The following AGL variants were observed in gnomAD, a reference collection of about 807,000 sequenced individuals.
AGL encodes the protein amylo-alpha-1,6-glucosidase and 4-alpha-glucanotransferase, also known as glycogen debranching enzyme.
AGL carries 128 observed loss-of-function variants against 199.3 expected under a neutral mutation model. That is an observed-to-expected ratio of 0.64 (90% confidence interval 0.56 to 0.74). The LOEUF (loss-of-function observed/expected upper bound fraction) is 0.74, where lower values mean the gene tolerates loss of function less well. Ranked by LOEUF, AGL falls within the 30% of genes least tolerant of loss-of-function variation. The pLI, the probability that AGL is intolerant of heterozygous loss-of-function variation, is 0.00. For synonymous variants in AGL, 584 were observed against 594.7 expected, an observed-to-expected ratio of 0.98 and a Z score of 0.26; for missense variants, 1,809 against 1,820.8, an observed-to-expected ratio of 0.99 and a Z score of 0.12.
In AGL at chr1:99,916,429, A is replaced by G; in HGVS notation, c.4279A>G (p.Ile1427Val). The G allele has an allele frequency of 6.2e-7, 1 of 1,611,544 alleles. No individual in the cohort carries two copies. Among genetic ancestry groups the G allele is most frequent in the Non-Finnish European group, 8.5e-7 (1 of 1,178,332 alleles). Reference sequence around the variant, plus strand: ...TTGCAGTGATATGGTTTACTGTGGAATTTATGACAATGCATTAGACAATGA... The same window carrying G: ...TTGCAGTGATATGGTTTACTGTGGAGTTTATGACAATGCATTAGACAATGA... ...LDPDDMVYCG[I>V]YDNALDNDNY... The change falls in exon 32 of 34, where the codon ATT (isoleucine) becomes GTT (valine). Residue 1427 changes from isoleucine (I) to valine (V), a missense_variant. By Grantham distance (29) the Ile-to-Val change is conservative (BLOSUM62 3). Coordinates refer to ENST00000361915, the MANE Select transcript of AGL (RefSeq NM_000642.3).
At chr1:99,900,966 C>A (rs1038286199) in intron 26 of AGL, 105 bp downstream of exon 26, 2 of 1,069,704 alleles carry the variant, frequency 1.9e-6, no homozygotes, top group Non-Finnish European at 2.7e-6. Context: ...CCAAATCTTA[C>A]GAATTATTCA....
chr1:99,876,639 T>C, intron 11 of AGL, 42 bp downstream of exon 11: 1 of 1,609,204 alleles, frequency 6.2e-7, no homozygotes, highest in Non-Finnish European at 8.5e-7. Flanking sequence ...GAAAGAATAG[T>C]TCATGGCAAG....
intron 7 of AGL, among the ~76,000 whole-genome samples, chr1:99,872,195 A>G (rs1027515879): frequency 1.3e-5 from 2 of 152,114 alleles, no homozygotes; most frequent in African/African-American, 4.8e-5. Flanking sequence ...CATTCATTCA[A>G]TGCATATTCA....
At chr1:99,858,219 A>G (rs1649735912) in intron 2 of AGL, among the ~76,000 whole-genome samples, 1 of 152,252 alleles carries the variant, frequency 6.6e-6, no homozygotes, top group Non-Finnish European at 1.5e-5. Flanking sequence ...TTAAAAGATG[A>G]GTTAGAAAGT....
intron 30 of AGL, 64 bp from the exon 31 acceptor site, chr1:99,915,325 G>GT (rs1655032344): frequency 7.6e-7 from 1 of 1,316,662 alleles, no homozygotes; most frequent in African/African-American, 1.5e-5. Flanking sequence ...AATAGTTTCT[G>GT]TGGGTAGGAA....
chr1:99,887,724 TC>T (rs1173957714), intron 20 of AGL, among the ~76,000 whole-genome samples: 4 of 152,168 alleles, frequency 2.6e-5, no homozygotes, highest in Admixed American at 1.3e-4. Context: ...CCAGCATACT[TC>T]TAATCAATAC....
intron 24 of AGL, among the ~76,000 whole-genome samples, chr1:99,894,727 TTTATC>T (rs1442643478): frequency 1.3e-5 from 2 of 152,192 alleles, no homozygotes; most frequent in Non-Finnish European, 2.9e-5. Flanking sequence ...AAAACTTTCT[TTTATC>T]TTAGTCAAAT....
intron 27 of AGL, among the ~76,000 whole-genome samples, chr1:99,905,055 A>G (rs1013754301): frequency 2.0e-5 from 3 of 152,160 alleles, no homozygotes; most frequent in Middle Eastern, 6.3e-3. Flanking sequence ...CTGCCAAACT[A>G]TTTTCCAGAG....
At chr1:99,867,294 T>A (rs762642770) in intron 5 of AGL, among the ~76,000 whole-genome samples, 51 of 152,202 alleles carry the variant, frequency 3.4e-4, no homozygotes, top group Non-Finnish European at 6.2e-4. Context: ...GAGAAACATA[T>A]GAAGATCTAC....
chr1:99,893,946 G>C (rs886313335), intron 24 of AGL, among the ~76,000 whole-genome samples: 1 of 152,080 alleles, frequency 6.6e-6, no homozygotes, highest in African/African-American at 2.4e-5. Flanking sequence ...ACTTTGGAAG[G>C]CTGAGGCAGG....
chr1:99,890,209 C>T (rs188232223), intron 21 of AGL, among the ~76,000 whole-genome samples: 56 of 152,320 alleles, frequency 3.7e-4, no homozygotes, highest in African/African-American at 1.3e-3. Flanking sequence ...AATCTTGTTA[C>T]CTCATCTACA....
At chr1:99,917,692 G>T (rs941984284) in intron 33 of AGL, among the ~76,000 whole-genome samples, 1 of 152,062 alleles carries the variant, frequency 6.6e-6, no homozygotes, top group Admixed American at 6.6e-5. Context: ...TGGCTAATTA[G>T]ATGTAATTCT....
intron 11 of AGL, among the ~76,000 whole-genome samples, chr1:99,876,955 A>G (rs1651595672): frequency 6.6e-6 from 1 of 152,210 alleles, no homozygotes; most frequent in Non-Finnish European, 1.5e-5. Context: ...CATAAGAGAT[A>G]TTTTCACTCA....
intron 7 of AGL, among the ~76,000 whole-genome samples, chr1:99,873,217 G>A (rs1042163244): frequency 3.3e-5 from 5 of 151,658 alleles, no homozygotes; most frequent in Non-Finnish European, 7.4e-5. Flanking sequence ...AACTTGATTT[G>A]TATTTTTAAA....
At chr1:99,899,530 TTC>T (rs34432483) in intron 25 of AGL, among the ~76,000 whole-genome samples, 2 of 146,858 alleles carry the variant, frequency 1.4e-5, no homozygotes, top group African/African-American at 5.1e-5. Context: ...CTCTCTCTCT[TTC>T]TCTCTCTCTT....
intron 5 of AGL, among the ~76,000 whole-genome samples, chr1:99,866,879 C>T (rs1323778614): frequency 6.6e-6 from 1 of 151,444 alleles, no homozygotes; most frequent in African/African-American, 2.4e-5. Context: ...AGTGCAATGG[C>T]GCGATCTCGG....
At chr1:99,871,909 T>C (rs1254049571) in intron 7 of AGL, among the ~76,000 whole-genome samples, 2 of 152,066 alleles carry the variant, frequency 1.3e-5, no homozygotes, top group Non-Finnish European at 2.9e-5. Flanking sequence ...ATATTGTTTC[T>C]TGTACTTAAG....
In AGL at chr1:99,875,248, C is replaced by G; in HGVS notation, c.1177C>G (p.Gln393Glu). ...GAAGCATCGACTCATTAACTATCAT[C>G]AGGAACAGGTTTTACTTATTTTTGA... Reference protein sequence around the residue: ...SEKHRLINYHQEQAVNCLLGN... With the variant: ...SEKHRLINYHEEQAVNCLLGN... The change falls in exon 9 of 34, where the codon CAG (glutamine) becomes GAG (glutamate). Residue 393 changes from glutamine (Q) to glutamate (E), a missense_variant. By Grantham distance (29) the Gln-to-Glu change is conservative. Coordinates refer to ENST00000361915, the MANE Select transcript of AGL (RefSeq NM_000642.3). 6.2e-7 allele frequency: 1 copy of G among 1,613,892 alleles called. No homozygotes were observed. The highest frequency in any genetic ancestry group is 1.1e-5 in the South Asian group (1 of 91,070).
rs772726488 is a variant in AGL at position 99,884,113 on chromosome 1, T to C, written c.2309-7T>C. ...AATTTTGTTAAAATGTTTTTATGTA[T>C]TCCTAGGCAAAATTGAAGAAGTAGT... On this transcript the variant is annotated splice_polypyrimidine_tract_variant and splice_region_variant and intron_variant, in intron 17 of 33. Transcript: ENST00000361915. The C allele has an allele frequency of 6.2e-7, 1 of 1,609,502 alleles. No homozygotes were observed. The highest frequency in any genetic ancestry group is 1.1e-5 in the South Asian group (1 of 90,834).
Sources: gnomAD v4.1 joint callset for allele counts (sites outside exome capture counted in the v4.1 genomes callset) on GRCh38, gnomAD v4.1.1 for gene constraint, MANE v1.5 for transcripts, NCBI Gene and HGNC (gene_info 2026-07-23, HGNC 2026-07-21) for gene names.